CHRAC1: variants seen among roughly 807,000 people sequenced by gnomAD.
The protein encoded by CHRAC1 is chromatin accessibility complex subunit 1.
In CHRAC1, 6 loss-of-function variants were observed where a neutral mutation model predicts 9.1. The ratio of observed to expected loss-of-function variants is 0.66; its 90% CI spans 0.36 to 1.29. CHRAC1 has a LOEUF of 1.29. Among genes scored for constraint, CHRAC1 ranks in the 50% most tolerant of loss-of-function variants. The pLI is 0.03. For missense variants in CHRAC1, 168 were observed against 163.5 expected (o/e 1.03, Z -0.15); for synonymous variants, 73 against 64.5 (o/e 1.13, Z -0.63).
chr8:140,516,525 C>T lies in CHRAC1; in HGVS notation c.*1278C>T, dbSNP rs570910523. ...AAAATCACCCTTTTTAGTGTCTAGT[C>T]TGTGAATTTTGACAAATGCATGGTT... On this transcript the variant is annotated 3_prime_UTR_variant, in exon 3 of 3. Coordinates refer to ENST00000220913, the MANE Select transcript of CHRAC1 (RefSeq NM_017444.6). 1 of 152,232 alleles carries T rather than the reference C, an allele frequency of 6.6e-6. No homozygotes were observed. Among genetic ancestry groups the T allele is most frequent in the South Asian group, 2.1e-4 (1 of 4,814 alleles). 9.4% of individuals were successfully genotyped at this position (152,232 alleles called of 1,614,324 possible). A position where few individuals can be genotyped will look rare whatever the true frequency, so the allele number is the denominator to read the frequency against.
At chr8:140,514,606 T>C (rs1208077680) in intron 2 of CHRAC1, 111 bp downstream of exon 2, 9 of 858,990 alleles carry the variant, frequency 1.0e-5, no homozygotes, top group Non-Finnish European at 1.4e-5. Flanking sequence ...TTTGCTACTT[T>C]TTCCAAGCCG....
At position 140,511,492 on chromosome 8, in the gene CHRAC1, G is replaced by A. The variant is rs1465224363; in HGVS notation, c.-8G>A. 2 of 1,321,336 alleles carry A rather than the reference G, an allele frequency of 1.5e-6. No individual in the cohort carries two copies. The highest frequency in any genetic ancestry group is 2.0e-6 in the Non-Finnish European group (2 of 1,023,820). The allele number at this position is 1,321,336 out of a possible 1,614,324, so 81.9% of individuals were successfully genotyped here. On this transcript the variant is annotated 5_prime_UTR_variant, in exon 1 of 3. Transcript: ENST00000220913. ...CCGGCTGCGGGCACCCGCGCGACGG[G>A]CGGGAAGATGGCGGACGTGGTCGTG...
In CHRAC1 at chr8:140,511,520, T is replaced by C. The variant is rs770313415; in HGVS notation, c.21T>C (p.Gly7=). The C allele has an allele frequency of 2.9e-6, 4 of 1,367,180 alleles. No homozygotes were observed. The South Asian group carries it at 7.2e-5, about 25-fold the overall frequency. 84.7% of individuals were successfully genotyped at this position (1,367,180 alleles called of 1,614,324 possible). A position where few individuals can be genotyped will look rare whatever the true frequency, so the allele number is the denominator to read the frequency against. Residue 7 remains glycine (G), a synonymous_variant, in exon 1 of 3, where the codon GGT becomes GGC. Transcript: ENST00000220913. MADVVV[G]KDKGGEQRLI... The stretch of plus-strand genomic sequence containing the variant: ...GGAAGATGGCGGACGTGGTCGTGGG[T>C]AAAGACAAGGGCGGGGAGCAGCGGC...
chr8:140,511,784 C>T (rs2072278028), intron 1 of CHRAC1, 138 bp downstream of exon 1: 3 of 904,790 alleles, frequency 3.3e-6, no homozygotes, highest in South Asian at 3.4e-5. Context: ...CCGCTGTCCC[C>T]GTCCCACGCC....
chr8:140,511,493 CG>C lies in CHRAC1; in HGVS notation c.-4del. 7.6e-7 allele frequency: 1 copy of C among 1,321,806 alleles called. No individual in the cohort carries two copies. The highest frequency in any genetic ancestry group is 9.8e-7 in the Non-Finnish European group (1 of 1,023,954). 81.9% of individuals were successfully genotyped at this position (1,321,806 alleles called of 1,614,324 possible). A position where few individuals can be genotyped will look rare whatever the true frequency, so the allele number is the denominator to read the frequency against. Reference sequence around the variant, plus strand: ...CGGCTGCGGGCACCCGCGCGACGGGCGGGAAGATGGCGGACGTGGTCGTGGG... The same window carrying C: ...CGGCTGCGGGCACCCGCGCGACGGGCGGAAGATGGCGGACGTGGTCGTGGG... On this transcript the variant is annotated 5_prime_UTR_variant, in exon 1 of 3. Coordinates refer to ENST00000220913, the MANE Select transcript of CHRAC1 (RefSeq NM_017444.6).
chr8:140,514,424 A>C lies in CHRAC1; in HGVS notation c.203A>C (p.Glu68Ala), dbSNP rs370637379. ...TCCTACAGACACGGCAGTGGAAAGGAAAAGAAAGTACTGACTTACAGTGAT... is the reference window on the plus strand; with the variant it reads ...TCCTACAGACACGGCAGTGGAAAGGCAAAGAAAGTACTGACTTACAGTGAT... ...TYSYRHGSGK[E>A]KKVLTYSDLA... Residue 68 changes from glutamate to alanine, a missense_variant, in exon 2 of 3, where the codon GAA becomes GCA. Physicochemically the swap from Glu to Ala is moderately radical, Grantham distance 107. Transcript: ENST00000220913. The C allele has an allele frequency of 1.3e-5, 21 of 1,586,972 alleles. No individual in the cohort carries two copies. The highest frequency in any genetic ancestry group is 1.7e-4 in the Middle Eastern group (1 of 6,032).
At chr8:140,513,807 G>A (rs1052102749) in intron 1 of CHRAC1, among the ~76,000 whole-genome samples, 27 of 149,164 alleles carry the variant, frequency 1.8e-4, no homozygotes, top group Admixed American at 6.7e-5. Context: ...TTTTTCGTAA[G>A]TTAGACATCT....
At chr8:140,514,696 C>T (rs2072316111) in intron 2 of CHRAC1, 1 of 465,984 alleles carries the variant, frequency 2.1e-6, no homozygotes, top group South Asian at 3.0e-5. Flanking sequence ...CCACCTAGAA[C>T]AATAGTGAAG....
intron 1 of CHRAC1, 24 bp downstream of exon 1, chr8:140,511,670 G>C: frequency 3.7e-6 from 5 of 1,348,966 alleles, no homozygotes; most frequent in Non-Finnish European, 4.8e-6. Flanking sequence ...GCGGGGGTGT[G>C]GGCCGCCCTT....
chr8:140,512,758 C>G (rs915376979), intron 1 of CHRAC1, among the ~76,000 whole-genome samples: 1 of 152,188 alleles, frequency 6.6e-6, no homozygotes, highest in Non-Finnish European at 1.5e-5. Flanking sequence ...CATCTGGGGA[C>G]ATTTGTATTT....
At chr8:140,511,752 T>G in intron 1 of CHRAC1, 106 bp downstream of exon 1, 2 of 1,059,922 alleles carry the variant, frequency 1.9e-6, no homozygotes, top group Non-Finnish European at 2.5e-6. Context: ...CGCCGGCTGC[T>G]CTTGCCGGGC....
rs914504833 is a variant in CHRAC1, at chr8:140,516,830, C to T, written c.*1583C>T. The T allele has an allele frequency of 2.6e-5, 4 of 152,184 alleles. No homozygotes were observed. Among genetic ancestry groups the T allele is most frequent in the African/African-American group, 9.7e-5 (4 of 41,422 alleles). The allele number at this position is 152,184 out of a possible 1,614,324, so 9.4% of individuals were successfully genotyped here. A position where few individuals can be genotyped will look rare whatever the true frequency, so the allele number is the denominator to read the frequency against. Reference sequence around the variant, plus strand: ...CTTCCCCACCTTTTACCGTGGCAACCGTCAAGCTATTCTCTGTCCCTATAC... The same window carrying T: ...CTTCCCCACCTTTTACCGTGGCAACTGTCAAGCTATTCTCTGTCCCTATAC... On this transcript the variant is annotated 3_prime_UTR_variant, in exon 3 of 3. Transcript: ENST00000220913.
chr8:140,514,148 C>T (rs1048560614), intron 1 of CHRAC1: 19 of 369,288 alleles, frequency 5.1e-5, no homozygotes, highest in East Asian at 7.6e-5. Context: ...TCAAGTGAGC[C>T]GCCTGCCTCA....
At position 140,516,031 on chromosome 8, in the gene CHRAC1, G is replaced by A. The variant is rs966280770; in HGVS notation, c.*784G>A. 18 of 151,600 alleles carry A rather than the reference G, an allele frequency of 1.2e-4. No individual in the cohort carries two copies. The highest frequency in any genetic ancestry group is 4.1e-4 in the African/African-American group (17 of 41,190). The allele number at this position is 151,600 out of a possible 1,614,324, so 9.4% of individuals were successfully genotyped here. A position where few individuals can be genotyped will look rare whatever the true frequency, so the allele number is the denominator to read the frequency against. ...TATTGGAGATCTCTCTCATCTTACT[G>A]TTCTTTGCTTTAAATTCCTGGCACT... On this transcript the variant is annotated 3_prime_UTR_variant, in exon 3 of 3. Transcript: ENST00000220913.
chr8:140,511,961 C>T (rs1368801048), intron 1 of CHRAC1: 1 of 1,295,744 alleles, frequency 7.7e-7, no homozygotes, highest in Middle Eastern at 2.1e-4. Context: ...CTTCCGTGCG[C>T]ACCTTCGCCC....
At chr8:140,514,265 A>T in intron 1 of CHRAC1, 104 bp from the exon 2 acceptor site, 1 of 1,217,370 alleles carries the variant, frequency 8.2e-7, no homozygotes, top group Non-Finnish European at 1.1e-6. Context: ...GTCTTAATAT[A>T]CTTTTAAGCC....
At position 140,511,516 on chromosome 8, in the gene CHRAC1, T is replaced by C. The variant is rs2072272775; in HGVS notation, c.17T>C (p.Val6Ala). The change falls in exon 1 of 3, where the codon GTG (valine) becomes GCG (alanine). Residue 6 changes from valine (V) to alanine (A), a missense_variant. By Grantham distance (64) the Val-to-Ala change is moderately conservative. Coordinates refer to ENST00000220913, the MANE Select transcript of CHRAC1 (RefSeq NM_017444.6). MADVV[V>A]GKDKGGEQRL... ...GGCGGGAAGATGGCGGACGTGGTCG[T>C]GGGTAAAGACAAGGGCGGGGAGCAG... 3 of 1,354,878 alleles carry C rather than the reference T, an allele frequency of 2.2e-6. No individual in the cohort carries two copies. Among genetic ancestry groups the C allele is most frequent in the Non-Finnish European group, 2.9e-6 (3 of 1,045,016 alleles). 83.9% of individuals were successfully genotyped at this position (1,354,878 alleles called of 1,614,324 possible).
chr8:140,512,427 G>A (rs1588416918), intron 1 of CHRAC1, among the ~76,000 whole-genome samples: 1 of 152,222 alleles, frequency 6.6e-6, no homozygotes, highest in East Asian at 1.9e-4. Flanking sequence ...GAAGTCCGGG[G>A]AACTTAAGTT....
rs1375292458 is a variant in CHRAC1, at chr8:140,517,015, T to A, written c.*1768T>A. ...AGGAATGCAGGTGGCTGTGTTTCAA[T>A]AGAGCTTTATTTCTGCAAACTGAAA... On this transcript the variant is annotated 3_prime_UTR_variant, in exon 3 of 3. Coordinates refer to ENST00000220913, the MANE Select transcript of CHRAC1 (RefSeq NM_017444.6). 6.6e-6 allele frequency: 1 copy of A among 152,244 alleles called. No individual in the cohort carries two copies. The highest frequency in any genetic ancestry group is 2.4e-5 in the African/African-American group (1 of 41,458). 9.4% of individuals were successfully genotyped at this position (152,244 alleles called of 1,614,324 possible).
Sources: gnomAD v4.1 joint callset for allele counts (sites outside exome capture counted in the v4.1 genomes callset) on GRCh38, gnomAD v4.1.1 for gene constraint, MANE v1.5 for transcripts, NCBI Gene and HGNC (gene_info 2026-07-23, HGNC 2026-07-21) for gene names.